ADAM32: variants seen among roughly 807,000 people sequenced by gnomAD.
ADAM32 encodes ADAM metallopeptidase domain 32, also known as disintegrin and metalloproteinase domain-containing protein 32.
A neutral mutation model predicts 114.9 loss-of-function variants in ADAM32; 89 were observed. The ratio of observed to expected loss-of-function variants is 0.77; its 90% CI spans 0.65 to 0.92. The LOEUF (loss-of-function observed/expected upper bound fraction) is 0.92. Ranked by LOEUF, ADAM32 falls within the 40% of genes least tolerant of loss-of-function variation. The probability of loss-of-function intolerance (pLI) is 0.00; values close to 1 mark genes in which losing one functional copy is unlikely to be tolerated. For missense variants in ADAM32, 870 were observed against 932.8 expected (o/e 0.93, Z 0.88); for synonymous variants, 285 against 307.5 (o/e 0.93, Z 0.77).
At chr8:39,196,132 T>G (rs1184794444) in intron 11 of ADAM32, among the ~76,000 whole-genome samples, 1 of 152,210 alleles carries the variant, frequency 6.6e-6, no homozygotes, top group Non-Finnish European at 1.5e-5. Context: ...CTTGATTTAT[T>G]ATTCAGCTAG....
At chr8:39,155,444 T>C (rs1224099042) in intron 6 of ADAM32, among the ~76,000 whole-genome samples, 3 of 152,212 alleles carry the variant, frequency 2.0e-5, no homozygotes, top group African/African-American at 2.4e-5. Context: ...AGCATGACAT[T>C]GAGAGAGGCC....
chr8:39,219,972 C>T (rs1808838749), intron 12 of ADAM32, among the ~76,000 whole-genome samples: 1 of 151,994 alleles, frequency 6.6e-6, no homozygotes, highest in African/African-American at 2.4e-5. Flanking sequence ...TCCAATTGGT[C>T]AAGTGTTAAA....
At chr8:39,182,345 T>C (rs1415629369) in intron 10 of ADAM32, among the ~76,000 whole-genome samples, 3 of 152,262 alleles carry the variant, frequency 2.0e-5, no homozygotes, top group African/African-American at 4.8e-5. Flanking sequence ...GATTCATGAC[T>C]ATGTGAGTAG....
chr8:39,224,719 A>AT (rs762595114), intron 14 of ADAM32, among the ~76,000 whole-genome samples: 1 of 151,858 alleles, frequency 6.6e-6, no homozygotes, highest in Non-Finnish European at 1.5e-5. Context: ...CACTATGTTG[A>AT]TTTTTTCCTT....
chr8:39,230,362 G>T (rs1330381105), intron 14 of ADAM32, among the ~76,000 whole-genome samples: 2 of 152,196 alleles, frequency 1.3e-5, no homozygotes, highest in African/African-American at 2.4e-5. Context: ...GTTTAAGGGA[G>T]AAATTAATGA....
At chr8:39,202,283 T>TGA (rs1807477682) in intron 11 of ADAM32, among the ~76,000 whole-genome samples, 1 of 152,192 alleles carries the variant, frequency 6.6e-6, no homozygotes, top group African/African-American at 2.4e-5. Context: ...GGTAGGCTCT[T>TGA]AGTTATTGCC....
chr8:39,254,394 A>G lies in ADAM32; in HGVS notation c.1903-20A>G. ...GAAAATATTTTAAAACAATCATTTA[A>G]TTTTTCAAAATGATCCTAGGTGTGT... On this transcript the variant is annotated intron_variant, in intron 17 of 24. Transcript: ENST00000379907. 6.5e-7 allele frequency: 1 copy of G among 1,530,882 alleles called. No individual in the cohort carries two copies. The highest frequency in any genetic ancestry group is 1.9e-5 in the Admixed American group (1 of 53,180). The allele number at this position is 1,530,882 out of a possible 1,614,324, so 94.8% of individuals were successfully genotyped here. A position where few individuals can be genotyped will look rare whatever the true frequency, so the allele number is the denominator to read the frequency against.
rs548338300 is a variant in ADAM32, at chr8:39,116,360, A to G, written c.59-1726A>G. Among the ~76,000 whole-genome samples, 10 of 152,240 alleles carry G rather than the reference A, an allele frequency of 6.6e-5. No homozygotes were observed. The East Asian group carries it at 1.5e-3, about 24-fold the overall frequency. ...CCTTTTAACAACGTTGATTCTTCCT[A>G]TCCATGAGTATGGAATGTTTTTTCA... On this transcript the variant is annotated intron_variant, in intron 1 of 24. Transcript: ENST00000379907.
chr8:39,123,006 G>T (rs2129444501), intron 2 of ADAM32, among the ~76,000 whole-genome samples: 1 of 152,302 alleles, frequency 6.6e-6, no homozygotes, highest in East Asian at 1.9e-4. Flanking sequence ...TAGTCTATGA[G>T]CCAATTTGAG....
chr8:39,168,421 C>T (rs1295887652), intron 9 of ADAM32: 1 of 152,198 alleles, frequency 6.6e-6, no homozygotes, highest in Non-Finnish European at 1.5e-5. Flanking sequence ...TGACTGCCCT[C>T]AGCATACCTT....
At chr8:39,176,944 CCTTCTTTGT>C (rs1805568581) in intron 10 of ADAM32, among the ~76,000 whole-genome samples, 1 of 152,014 alleles carries the variant, frequency 6.6e-6, no homozygotes, top group Non-Finnish European at 1.5e-5. Flanking sequence ...TATGTAATGC[CCTTCTTTGT>C]CTTTTTTGAT....
chr8:39,222,946 A>G (rs1342042341), intron 13 of ADAM32, 94 bp from the exon 14 acceptor site: 1 of 1,058,488 alleles, frequency 9.4e-7, no homozygotes, highest in Non-Finnish European at 1.3e-6. Flanking sequence ...TGGATAGACT[A>G]AAGCGAAAAT....
chr8:39,195,019 T>C (rs1187193153), intron 11 of ADAM32, among the ~76,000 whole-genome samples: 1 of 152,184 alleles, frequency 6.6e-6, no homozygotes. Context: ...GGTTGCTTCT[T>C]GCCTGTTAAA....
intron 17 of ADAM32, among the ~76,000 whole-genome samples, chr8:39,247,769 G>A (rs1214532415): frequency 6.9e-6 from 1 of 145,868 alleles, no homozygotes; most frequent in African/African-American, 2.5e-5. Flanking sequence ...AATACCCAAG[G>A]TCATCCAGGT....
intron 19 of ADAM32, among the ~76,000 whole-genome samples, chr8:39,264,608 C>T (rs1220486718): frequency 6.6e-6 from 1 of 151,964 alleles, no homozygotes; most frequent in East Asian, 1.9e-4. Flanking sequence ...TTGGTTTGCT[C>T]TTGTTTTTCT....
At chr8:39,215,095 T>C (rs1005073684) in intron 12 of ADAM32, among the ~76,000 whole-genome samples, 11 of 152,118 alleles carry the variant, frequency 7.2e-5, no homozygotes, top group Non-Finnish European at 1.6e-4. Flanking sequence ...TAGTATAATT[T>C]GATATCAGGT....
At chr8:39,218,218 T>A (rs1415963652) in intron 12 of ADAM32, among the ~76,000 whole-genome samples, 3 of 152,126 alleles carry the variant, frequency 2.0e-5, no homozygotes, top group Non-Finnish European at 4.4e-5. Flanking sequence ...CTCAAACAAA[T>A]GGAATTTCTC....
intron 1 of ADAM32, among the ~76,000 whole-genome samples, chr8:39,110,269 C>T (rs1840105353): frequency 6.6e-6 from 1 of 152,150 alleles, no homozygotes; most frequent in South Asian, 2.1e-4. Context: ...TGGGGTTTCA[C>T]TGTGTTGACC....
intron 2 of ADAM32, among the ~76,000 whole-genome samples, chr8:39,120,344 T>A (rs1840540023): frequency 6.6e-6 from 1 of 152,154 alleles, no homozygotes; most frequent in Admixed American, 6.5e-5. Flanking sequence ...GGTAGAAATA[T>A]GGATGCTAAA....
Sources: allele counts gnomAD v4.1 joint callset (sites outside exome capture counted in the v4.1 genomes callset), GRCh38; gene constraint gnomAD v4.1.1; transcripts MANE v1.5; gene names NCBI Gene and HGNC (gene_info 2026-07-23, HGNC 2026-07-21).